THSD7B: variants seen among roughly 807,000 people sequenced by gnomAD.
THSD7B encodes the protein thrombospondin type-1 domain-containing protein 7B.
A neutral mutation model predicts 213.6 loss-of-function variants in THSD7B; 138 were observed. The observed-to-expected ratio is 0.65, with a 90% CI of 0.56 to 0.74. The LOEUF (loss-of-function observed/expected upper bound fraction) is 0.74, where lower values mean the gene tolerates loss of function less well. Among genes scored for constraint, THSD7B ranks in the 30% least tolerant of loss-of-function variants. The pLI is 0.00. For synonymous variants in THSD7B, 742 were observed against 687.0 expected (o/e 1.08, Z -1.25); for missense variants, 1,931 against 1,991.5 (o/e 0.97, Z 0.58).
In THSD7B at chr2:137,314,781, C is replaced by G. The variant is rs148067140; in HGVS notation, c.2500+38755C>G. Among the ~76,000 whole-genome samples the G allele has an allele frequency of 4.8e-3, 726 of 152,308 alleles. 7 individuals carry two copies. The highest frequency in any genetic ancestry group is 0.017 in the African/African-American group (702 of 41,566). ...GTACTCGGCCTTGTGAGGTGTCAGT[C>G]TGCCCCTGCTGGGGGTTGCCTCCCA... On this transcript the variant is annotated intron_variant, in intron 12 of 27. Coordinates refer to ENST00000409968, the MANE Select transcript of THSD7B (RefSeq NM_001316349.2).
At chr2:137,096,262 CA>C (rs1341573738) in intron 4 of THSD7B, among the ~76,000 whole-genome samples, 2 of 151,968 alleles carry the variant, frequency 1.3e-5, no homozygotes, top group Admixed American at 1.3e-4. Context: ...TTTCTGCAGC[CA>C]AAAATAAAGT....
At chr2:137,360,959 C>T (rs962014189) in intron 12 of THSD7B, among the ~76,000 whole-genome samples, 41 of 152,220 alleles carry the variant, frequency 2.7e-4, no homozygotes, top group African/African-American at 7.2e-4. Flanking sequence ...CACTAGGGGC[C>T]GACTGATACC....
intron 21 of THSD7B, among the ~76,000 whole-genome samples, chr2:137,647,697 G>A (rs2104867433): frequency 6.6e-6 from 1 of 152,154 alleles, no homozygotes; most frequent in South Asian, 2.1e-4. Context: ...ACATTTAAGT[G>A]CCTCTCCTTT....
intron 14 of THSD7B, among the ~76,000 whole-genome samples, chr2:137,413,525 T>A (rs1686719928): frequency 6.6e-6 from 1 of 152,194 alleles, no homozygotes; most frequent in Non-Finnish European, 1.5e-5. Flanking sequence ...TGAAGTGACA[T>A]AAATCTAAGA....
intron 2 of THSD7B, among the ~76,000 whole-genome samples, chr2:136,992,286 C>T (rs867655582): frequency 6.6e-6 from 1 of 152,210 alleles, no homozygotes; most frequent in Non-Finnish European, 1.5e-5. Context: ...AGAACTTGTA[C>T]TGATTGAAGG....
At chr2:136,941,097 C>T (rs1050395877) in intron 2 of THSD7B, among the ~76,000 whole-genome samples, 1 of 151,964 alleles carries the variant, frequency 6.6e-6, no homozygotes, top group Non-Finnish European at 1.5e-5. Flanking sequence ...TGAGTGAGAA[C>T]ATGTGGTGTT....
chr2:137,482,683 T>G (rs750650150), intron 15 of THSD7B, among the ~76,000 whole-genome samples: 2 of 143,678 alleles, frequency 1.4e-5, no homozygotes, highest in African/African-American at 3.0e-5. Flanking sequence ...TAAAGAAAAC[T>G]GTTTTTTTTT....
chr2:137,441,107 G>A (rs186336193), intron 14 of THSD7B, among the ~76,000 whole-genome samples: 2 of 152,226 alleles, frequency 1.3e-5, no homozygotes, highest in Non-Finnish European at 1.5e-5. Context: ...ATCCTATCAT[G>A]TTTCATTATA....
intron 2 of THSD7B, among the ~76,000 whole-genome samples, chr2:136,904,907 T>C (rs1684132503): frequency 2.0e-5 from 3 of 152,252 alleles, no homozygotes; most frequent in Non-Finnish European, 4.4e-5. Context: ...TAGTGTCCTT[T>C]AGCCTGGGGA....
chr2:136,864,714 G>A (rs1055583772), intron 1 of THSD7B, among the ~76,000 whole-genome samples: 12 of 152,024 alleles, frequency 7.9e-5, no homozygotes, highest in African/African-American at 1.4e-4. Flanking sequence ...CACCATGCCC[G>A]GCTAGTTTTT....
At chr2:136,779,645 G>A (rs1490359154) in intron 1 of THSD7B, among the ~76,000 whole-genome samples, 1 of 152,156 alleles carries the variant, frequency 6.6e-6, no homozygotes, top group African/African-American at 2.4e-5. Flanking sequence ...GTTCCTTAGG[G>A]AACTTGGAGT....
intron 20 of THSD7B, among the ~76,000 whole-genome samples, chr2:137,626,667 C>T (rs116404465): frequency 0.027 from 4,159 of 152,182 alleles, 69 homozygotes; most frequent in Non-Finnish European, 0.045. Context: ...CAAATCTTTC[C>T]ACTCAGCTTC....
At chr2:137,642,422 T>C in intron 20 of THSD7B, 66 bp from the exon 21 acceptor site, 1 of 1,583,464 alleles carries the variant, frequency 6.3e-7, no homozygotes, top group South Asian at 1.1e-5. Flanking sequence ...AAGGCAACAT[T>C]CTGTTCTTCA....
At chr2:137,476,952 A>C (rs1472319869) in intron 15 of THSD7B, among the ~76,000 whole-genome samples, 1 of 152,202 alleles carries the variant, frequency 6.6e-6, no homozygotes, top group African/African-American at 2.4e-5. Context: ...TATCCTGGAG[A>C]ACATTCCATG....
rs1330971565 is a variant in THSD7B at position 136,932,394 on chromosome 2, C to T, written c.139+50077C>T. ...ATGGAAACAGTGAAAATACAGTTCA[C>T]CCTTGAACACTGTGGGGGTTTGGGG... On this transcript the variant is annotated intron_variant, in intron 2 of 27. Transcript: ENST00000409968. Among the ~76,000 whole-genome samples the T allele has an allele frequency of 2.0e-5, 3 of 152,222 alleles. No individual in the cohort carries two copies. In the East Asian group the frequency reaches 5.8e-4, roughly 29 times the overall value.
chr2:137,676,446 T>G (rs1683701244), intron 27 of THSD7B, 78 bp from the exon 28 acceptor site: 3 of 1,286,782 alleles, frequency 2.3e-6, no homozygotes, highest in Non-Finnish European at 3.2e-6. Flanking sequence ...TAAATTTCTG[T>G]ATCTCAAAAT....
intron 2 of THSD7B, among the ~76,000 whole-genome samples, chr2:137,024,874 C>A (rs1014798357): frequency 6.6e-6 from 1 of 152,154 alleles, no homozygotes; most frequent in Non-Finnish European, 1.5e-5. Context: ...ACCCTTTCAG[C>A]TTTAACTCCA....
intron 5 of THSD7B, among the ~76,000 whole-genome samples, chr2:137,142,018 A>G (rs533593505): frequency 6.6e-6 from 1 of 152,202 alleles, no homozygotes; most frequent in Non-Finnish European, 1.5e-5. Flanking sequence ...ACTTTGATAA[A>G]CAATATTTCA....
intron 12 of THSD7B, among the ~76,000 whole-genome samples, chr2:137,324,367 TATA>T (rs756173410): frequency 2.1e-4 from 32 of 152,214 alleles, no homozygotes; most frequent in Non-Finnish European, 4.1e-4. Context: ...TGGTCGAATT[TATA>T]ATATTTGAAA....
Sources: gnomAD v4.1 joint callset for allele counts (sites outside exome capture counted in the v4.1 genomes callset) on GRCh38, gnomAD v4.1.1 for gene constraint, MANE v1.5 for transcripts, NCBI Gene and HGNC (gene_info 2026-07-23, HGNC 2026-07-21) for gene names.